EMX1: variants seen among roughly 807,000 people sequenced by gnomAD.
EMX1 encodes the protein empty spiracles homeobox 1, also known as homeobox protein EMX1.
In EMX1, 10 loss-of-function variants were observed where a neutral mutation model predicts 20.1. That is an observed-to-expected ratio of 0.50 (90% CI 0.31 to 0.84). The LOEUF (loss-of-function observed/expected upper bound fraction) is 0.84. Among genes scored for constraint, EMX1 ranks in the 40% least tolerant of loss-of-function variants. The pLI is 0.05. For synonymous variants in EMX1, 250 were observed against 200.4 expected (o/e 1.25, Z -2.09); for missense variants, 424 against 431.9 (o/e 0.98, Z 0.16).
At chr2:72,917,100 G>C (rs1193368345), upstream of EMX1, 1 of 620,834 alleles carries the variant, frequency 1.6e-6, no homozygotes, top group Admixed American at 2.8e-5. Context: ...GGGGGGCAGA[G>C]AGCTGGTTTT....
At chr2:72,923,070 T>C (rs2105265064) in intron 1 of EMX1, among the ~76,000 whole-genome samples, 1 of 152,208 alleles carries the variant, frequency 6.6e-6, no homozygotes, top group East Asian at 1.9e-4. Context: ...AAGCCAGAGA[T>C]TGTGTGAGGG....
Position 72,924,071 on chromosome 2 carries a change from C to T in EMX1, c.521-238C>T, listed in dbSNP as rs943272674. On this transcript the variant is annotated intron_variant, in intron 1 of 2. Coordinates refer to ENST00000258106, the MANE Select transcript of EMX1 (RefSeq NM_004097.3). ...GAGGGATCTGGAGAGCTGTTATTCC[C>T]CGCGTTCCCCCGCGGAGTGGCTCTC... 7 of 605,622 alleles carry T rather than the reference C, an allele frequency of 1.2e-5. No homozygotes were observed. In the African/African-American group the frequency reaches 1.3e-4, roughly 11 times the overall value. 37.5% of individuals were successfully genotyped at this position (605,622 alleles called of 1,614,324 possible). A position where few individuals can be genotyped will look rare whatever the true frequency, so the allele number is the denominator to read the frequency against.
intron 2 of EMX1, among the ~76,000 whole-genome samples, chr2:72,931,216 G>A (rs1224673482): frequency 6.6e-6 from 1 of 152,228 alleles, no homozygotes. Context: ...GGCCTATCCT[G>A]TGCCTGAAGT....
chr2:72,929,359 G>C (rs968946359), intron 2 of EMX1, among the ~76,000 whole-genome samples: 2 of 152,206 alleles, frequency 1.3e-5, no homozygotes, highest in Admixed American at 1.3e-4. Context: ...GGCTGAAAGA[G>C]GAGGAGACAG....
intron 2 of EMX1, chr2:72,925,331 A>C (rs1387861999): frequency 1.8e-6 from 2 of 1,115,860 alleles, no homozygotes; most frequent in Non-Finnish European, 2.2e-6. Context: ...GAAAAAATTA[A>C]AGAATTAGAT....
chr2:72,918,426 C>G (rs1379846249), intron 1 of EMX1, 54 bp downstream of exon 1: 1 of 1,349,866 alleles, frequency 7.4e-7, no homozygotes, highest in Non-Finnish European at 9.5e-7. Flanking sequence ...CGTGCTGCGG[C>G]GATGCGGGGG....
upstream of EMX1, chr2:72,916,607 G>A (rs1670966299): frequency 1.5e-6 from 1 of 663,846 alleles, no homozygotes; most frequent in African/African-American, 1.8e-5. Context: ...GCGGTTCCGC[G>A]GTCGCGGGTG....
intron 1 of EMX1, chr2:72,924,000 T>G: frequency 1.2e-5 from 6 of 504,294 alleles, no homozygotes; most frequent in East Asian, 3.5e-5. Context: ...GCATTGTGAA[T>G]GTGGGTCCAC....
chr2:72,930,859 A>G lies in EMX1; in HGVS notation c.706-2928A>G, dbSNP rs1418596295. Among the ~76,000 whole-genome samples the G allele has an allele frequency of 6.6e-6, 1 of 152,256 alleles. No individual in the cohort carries two copies. The highest frequency in any genetic ancestry group is 1.5e-5 in the Non-Finnish European group (1 of 68,040). ...TCTATTAAGGAAAATTCAGAAAAGT[A>G]GAAAGAAGAAAGAAACATCACCCAC... On this transcript the variant is annotated intron_variant, in intron 2 of 2. Transcript: ENST00000258106. The surrounding 1 kb of genome is among the most constrained non-coding windows in gnomAD (Gnocchi z 4.4).
At chr2:72,927,656 G>A (rs1452578033) in intron 2 of EMX1, among the ~76,000 whole-genome samples, 1 of 152,236 alleles carries the variant, frequency 6.6e-6, no homozygotes, top group Non-Finnish European at 1.5e-5. Flanking sequence ...AGGATAGGGT[G>A]CAGGAAAAAG....
intron 2 of EMX1, among the ~76,000 whole-genome samples, chr2:72,927,857 TATCAGTC>T (rs1271760862): frequency 1.3e-5 from 2 of 152,236 alleles, no homozygotes; most frequent in African/African-American, 4.8e-5. Flanking sequence ...ACACTAACTT[TATCAGTC>T]ATTCCCCTTG....
intron 2 of EMX1, among the ~76,000 whole-genome samples, chr2:72,932,386 T>C (rs936738813): frequency 7.2e-5 from 11 of 152,216 alleles, no homozygotes; most frequent in African/African-American, 2.7e-4. Context: ...ATTTCCTCTA[T>C]GCATGAAGGA....
At chr2:72,925,551 C>T (rs1282997719) in intron 2 of EMX1, 1 of 1,288,060 alleles carries the variant, frequency 7.8e-7, no homozygotes, top group Non-Finnish European at 1.0e-6. Flanking sequence ...GCCGGCTCCG[C>T]GGTCTCCCAG....
intron 1 of EMX1, among the ~76,000 whole-genome samples, chr2:72,918,811 CGGGCG>C (rs925346767): frequency 6.6e-6 from 1 of 152,182 alleles, no homozygotes; most frequent in African/African-American, 2.4e-5. Context: ...CTGGCGCGTC[CGGGCG>C]GGGGAAAGTC....
upstream of EMX1, chr2:72,916,795 G>A (rs1315717743): frequency 7.0e-6 from 5 of 717,228 alleles, no homozygotes; most frequent in Admixed American, 4.0e-5. Context: ...AAGGCGAGGG[G>A]GTGGATCTCC....
At chr2:72,916,510 G>C (rs1286965807), upstream of EMX1, 10 of 598,252 alleles carry the variant, frequency 1.7e-5, no homozygotes, top group Non-Finnish European at 2.1e-5. Context: ...AAAGTTTGGG[G>C]AGTCCCGGCT....
Position 72,918,310 on chromosome 2 carries a change from G to A in EMX1, c.458G>A (p.Arg153Gln), listed in dbSNP as rs747400767. ...CACTCCTTCTTCGGCGCCCAGCACC[G>A]GGACCCTCTCCATTTCTACCCCTGG... is the stretch of plus-strand genomic sequence containing the variant. ...PPHSFFGAQH[R>Q]DPLHFYPWVL... Residue 153 changes from arginine (R) to glutamine (Q), a missense_variant, in exon 1 of 3, where the codon CGG (arginine) becomes CAG (glutamine). Coordinates refer to ENST00000258106, the MANE Select transcript of EMX1 (RefSeq NM_004097.3). 2 of 1,568,452 alleles carry A rather than the reference G, an allele frequency of 1.3e-6. No individual in the cohort carries two copies. Among genetic ancestry groups the A allele is most frequent in the Admixed American group, 3.6e-5 (2 of 55,708 alleles).
rs780711636 is a variant in EMX1 at position 72,917,878 on chromosome 2, G to T, written c.26G>T (p.Arg9Leu). The change falls in exon 1 of 3, where the codon CGC (arginine) becomes CTC (leucine). Residue 9 changes from arginine to leucine, a missense_variant. Coordinates refer to ENST00000258106, the MANE Select transcript of EMX1 (RefSeq NM_004097.3). ...ATGTGCCTGGCTGGGTGCACACCCCGCAAGGCGGCGGCGCCAGGACGCGGA... is the reference window on the plus strand; with the variant it reads ...ATGTGCCTGGCTGGGTGCACACCCCTCAAGGCGGCGGCGCCAGGACGCGGA... MCLAGCTP[R>L]KAAAPGRGAL... The T allele has an allele frequency of 1.4e-6, 2 of 1,477,648 alleles. No homozygotes were observed. The highest frequency in any genetic ancestry group is 1.3e-5 in the South Asian group (1 of 78,586). 91.5% of individuals were successfully genotyped at this position (1,477,648 alleles called of 1,614,324 possible). A position where few individuals can be genotyped will look rare whatever the true frequency, so the allele number is the denominator to read the frequency against.
intron 2 of EMX1, among the ~76,000 whole-genome samples, chr2:72,931,917 G>T (rs996776809): frequency 2.0e-5 from 3 of 152,244 alleles, no homozygotes; most frequent in African/African-American, 7.2e-5. Context: ...GACTGTGAGG[G>T]GAAGTCCTGG....
Sources: gnomAD v4.1 joint callset for allele counts (sites outside exome capture counted in the v4.1 genomes callset) on GRCh38, gnomAD v4.1.1 for gene constraint, Gnocchi (gnomAD v3.1) non-coding constraint, MANE v1.5 for transcripts, NCBI Gene and HGNC (gene_info 2026-07-23, HGNC 2026-07-21) for gene names.